Variants in HIBADH observed in about 807,000 individuals in gnomAD.
HIBADH encodes 3-hydroxyisobutyrate dehydrogenase, mitochondrial.
Under a neutral mutation model 36.1 loss-of-function variants are expected in HIBADH, and 25 were observed. That is an observed-to-expected ratio of 0.69 (90% confidence interval 0.50 to 0.97). HIBADH has a LOEUF of 0.97. Ranked by LOEUF, HIBADH falls within the 50% of genes least tolerant of loss-of-function variation. The pLI is 0.00. For synonymous variants in HIBADH, 160 were observed against 149.5 expected (o/e 1.07, Z -0.51); for missense variants, 421 against 418.0 (o/e 1.01, Z -0.06).
intron 1 of HIBADH, among the ~76,000 whole-genome samples, chr7:27,661,615 G>A (rs1455729417): frequency 6.6e-6 from 1 of 151,242 alleles, no homozygotes; most frequent in Non-Finnish European, 1.5e-5. Flanking sequence ...AAAAAGGGCG[G>A]GGGGCCAAGG....
intron 1 of HIBADH, among the ~76,000 whole-genome samples, chr7:27,659,433 G>C (rs1377631458): frequency 6.6e-6 from 1 of 152,002 alleles, no homozygotes; most frequent in Non-Finnish European, 1.5e-5. Context: ...TTAAAATTAG[G>C]CTTAGGCACA....
intron 4 of HIBADH, among the ~76,000 whole-genome samples, chr7:27,592,552 T>C (rs1040388046): frequency 5.3e-5 from 8 of 152,184 alleles, no homozygotes; most frequent in African/African-American, 1.9e-4. Context: ...TATGAGTTAT[T>C]CTTGGTGAAT....
intron 4 of HIBADH, among the ~76,000 whole-genome samples, chr7:27,612,512 C>A (rs377170473): frequency 1.3e-5 from 2 of 151,690 alleles, no homozygotes; most frequent in African/African-American, 4.8e-5. Flanking sequence ...TTAGTAGAGA[C>A]GGGGTTTCAC....
At chr7:27,606,165 A>T (rs939829745) in intron 4 of HIBADH, among the ~76,000 whole-genome samples, 1 of 152,206 alleles carries the variant, frequency 6.6e-6, no homozygotes, top group African/African-American at 2.4e-5. Flanking sequence ...GAAATGTTTA[A>T]ATATGGGGGA....
chr7:27,561,465 G>C (rs949117238), intron 4 of HIBADH, among the ~76,000 whole-genome samples: 1 of 152,078 alleles, frequency 6.6e-6, no homozygotes, highest in Non-Finnish European at 1.5e-5. Context: ...TTGCATTGTA[G>C]TCAACAATGT....
At chr7:27,554,385 G>A (rs1784362346) in intron 4 of HIBADH, among the ~76,000 whole-genome samples, 1 of 152,206 alleles carries the variant, frequency 6.6e-6, no homozygotes, top group Admixed American at 6.5e-5. Flanking sequence ...CACGTGGTTT[G>A]TAACATTTCT....
chr7:27,532,685 G>C (rs1287799005), intron 6 of HIBADH, among the ~76,000 whole-genome samples: 1 of 152,172 alleles, frequency 6.6e-6, no homozygotes, highest in African/African-American at 2.4e-5. Context: ...ACTAAGGATT[G>C]TAACAGATAC....
In HIBADH at chr7:27,582,284, T is replaced by C. The variant is rs548236472; in HGVS notation, c.485-39184A>G. Among the ~76,000 whole-genome samples the C allele has an allele frequency of 2.1e-4, 32 of 152,296 alleles. No homozygotes were observed. The South Asian group carries it at 2.7e-3, about 13-fold the overall frequency. The stretch of plus-strand genomic sequence containing the variant: ...CTGAACTGATTTAAGGCTATAGTCT[T>C]CATTTCTTCTGCTTAGTGTGAATAT... On this transcript the variant is annotated intron_variant, in intron 4 of 7. Transcript: ENST00000265395.
chr7:27,545,298 G>C (rs1387094068), intron 4 of HIBADH, among the ~76,000 whole-genome samples: 1 of 152,080 alleles, frequency 6.6e-6, no homozygotes, highest in Non-Finnish European at 1.5e-5. Context: ...AATTAGCTGG[G>C]CATGGTGGCA....
chr7:27,642,819 T>C (rs991748174), intron 2 of HIBADH, among the ~76,000 whole-genome samples: 1 of 152,052 alleles, frequency 6.6e-6, no homozygotes, highest in African/African-American at 2.4e-5. Context: ...GCCCGGCTAA[T>C]TTTTTGTATT....
chr7:27,538,818 G>T (rs964658126), intron 5 of HIBADH, among the ~76,000 whole-genome samples: 1 of 152,094 alleles, frequency 6.6e-6, no homozygotes, highest in Non-Finnish European at 1.5e-5. Context: ...TAGGAGTTCA[G>T]AGCAACAAGA....
At position 27,526,363 on chromosome 7, in the gene HIBADH, A is replaced by G. The variant is rs1424628933; in HGVS notation, c.862T>C (p.Leu288=). 2 of 1,609,626 alleles carry G rather than the reference A, an allele frequency of 1.2e-6. No homozygotes were observed. The highest frequency in any genetic ancestry group is 1.7e-6 in the Non-Finnish European group (2 of 1,178,004). Residue 288 remains leucine, a synonymous_variant, in exon 8 of 8, where the codon TTG becomes CTG. Transcript: ENST00000265395. ...GTGCTGGTAGCAGAGTCTTGTGCCA[A>G]TCCCAGATCCTAAATCAAACAGGAG... ...GTTLMAKDLG[L]AQDSATSTKS...
At chr7:27,587,652 T>C (rs1444589855) in intron 4 of HIBADH, among the ~76,000 whole-genome samples, 2 of 152,216 alleles carry the variant, frequency 1.3e-5, no homozygotes, top group Non-Finnish European at 2.9e-5. Context: ...CCACTGCCTA[T>C]ACCCTCTCGC....
At chr7:27,538,786 G>T (rs13227873) in intron 5 of HIBADH, among the ~76,000 whole-genome samples, 1 of 151,956 alleles carries the variant, frequency 6.6e-6, no homozygotes, top group South Asian at 2.1e-4. Flanking sequence ...GTGGTGAATT[G>T]TAAGGTAGAG....
intron 1 of HIBADH, among the ~76,000 whole-genome samples, chr7:27,652,946 T>C (rs763715989): frequency 2.6e-5 from 4 of 152,058 alleles, no homozygotes; most frequent in Non-Finnish European, 5.9e-5. Context: ...CTGGCCAACA[T>C]GGTGAAACCC....
chr7:27,638,308 CAAAAAAAAA>C (rs368715218), intron 2 of HIBADH, among the ~76,000 whole-genome samples: 1 of 55,472 alleles, frequency 1.8e-5, no homozygotes, highest in Non-Finnish European at 3.2e-5. Context: ...TTGGCAAAGT[CAAAAAAAAA>C]AAAAAAAAAA....
intron 4 of HIBADH, among the ~76,000 whole-genome samples, chr7:27,611,823 G>A (rs771799125): frequency 6.6e-6 from 1 of 152,158 alleles, no homozygotes; most frequent in Non-Finnish European, 1.5e-5. Flanking sequence ...AACACACCAA[G>A]CTAGTTCAAT....
intron 7 of HIBADH, among the ~76,000 whole-genome samples, chr7:27,530,354 C>T (rs1783973434): frequency 6.6e-6 from 1 of 152,094 alleles, no homozygotes; most frequent in African/African-American, 2.4e-5. Context: ...TACAGACACG[C>T]ACCACCACGC....
chr7:27,536,492 A>G (rs17155450), intron 6 of HIBADH, among the ~76,000 whole-genome samples: 4,498 of 152,216 alleles, frequency 0.03, 204 homozygotes, highest in African/African-American at 0.1. Flanking sequence ...AGTTGATCAG[A>G]GCCAAAAATA....
Sources: allele counts gnomAD v4.1 joint callset (sites outside exome capture counted in the v4.1 genomes callset), GRCh38; gene constraint gnomAD v4.1.1; transcripts MANE v1.5; gene names NCBI Gene and HGNC (gene_info 2026-07-23, HGNC 2026-07-21).